The following LRMDA variants were observed in gnomAD, a reference collection of about 807,000 sequenced individuals.
The protein encoded by LRMDA is leucine rich melanocyte differentiation associated, also known as leucine-rich melanocyte differentiation-associated protein.
A neutral mutation model predicts 29.8 loss-of-function variants in LRMDA; 18 were observed. The ratio of observed to expected loss-of-function variants is 0.60; its 90% CI spans 0.42 to 0.90. LRMDA has a LOEUF of 0.90. Among genes scored for constraint, LRMDA ranks in the 40% least tolerant of loss-of-function variants. The probability of loss-of-function intolerance (pLI) is 0.00; values close to 1 mark genes in which losing one functional copy is unlikely to be tolerated. For missense variants in LRMDA, 273 were observed against 273.9 expected, an observed-to-expected ratio of 1.00 and a Z score of 0.02; for synonymous variants, 125 against 109.4, an observed-to-expected ratio of 1.14 and a Z score of -0.89.
chr10:75,511,229 C>T lies in LRMDA; in HGVS notation c.131+72735C>T, dbSNP rs190210020. Among the ~76,000 whole-genome samples the T allele has an allele frequency of 1.6e-3, 246 of 151,834 alleles. 2 individuals are homozygous for T. Among genetic ancestry groups the T allele is most frequent in the African/African-American group, 5.6e-3 (233 of 41,400 alleles). On this transcript the variant is annotated intron_variant, in intron 2 of 6. Coordinates refer to ENST00000611255, the MANE Select transcript of LRMDA (RefSeq NM_001305581.2). ...GTGCATCTGTAGTCCCACCTACTCG[C>T]GAGGCTGAGGTGGGAGGATTGCCTC...
intron 6 of LRMDA, among the ~76,000 whole-genome samples, chr10:76,326,410 C>T (rs1490445147): frequency 6.6e-6 from 1 of 152,164 alleles, no homozygotes; most frequent in African/African-American, 2.4e-5. Context: ...TGATCATGTA[C>T]ATCACGAAAA....
chr10:75,525,576 T>TTTTC (rs1195803004), intron 2 of LRMDA, among the ~76,000 whole-genome samples: 72 of 144,252 alleles, frequency 5.0e-4, no homozygotes, highest in South Asian at 1.3e-3. Context: ...TTTCTTTTCT[T>TTTTC]TTTCTTTCTT....
chr10:76,041,808 A>T (rs890377682), intron 3 of LRMDA, among the ~76,000 whole-genome samples: 2 of 152,178 alleles, frequency 1.3e-5, no homozygotes, highest in Admixed American at 1.3e-4. Context: ...CTGAAAAAAA[A>T]TCTCAACGCT....
At chr10:75,695,773 T>A (rs1219963974) in intron 2 of LRMDA, among the ~76,000 whole-genome samples, 1 of 152,204 alleles carries the variant, frequency 6.6e-6, no homozygotes, top group African/African-American at 2.4e-5. Context: ...TGATTTTTTT[T>A]CCTCTTAAGA....
At chr10:76,335,288 C>T (rs944351649) in intron 6 of LRMDA, among the ~76,000 whole-genome samples, 4 of 152,168 alleles carry the variant, frequency 2.6e-5, no homozygotes, top group Non-Finnish European at 2.9e-5. Flanking sequence ...GAGTGTAGTG[C>T]TCTCATATGT....
chr10:76,421,928 A>G (rs1488067752), intron 6 of LRMDA, among the ~76,000 whole-genome samples: 1 of 152,178 alleles, frequency 6.6e-6, no homozygotes, highest in Non-Finnish European at 1.5e-5. Flanking sequence ...TCCTTCAGAG[A>G]AGACATATTT....
intron 2 of LRMDA, among the ~76,000 whole-genome samples, chr10:75,676,546 C>T (rs1841962461): frequency 6.6e-6 from 1 of 152,158 alleles, no homozygotes; most frequent in Admixed American, 6.5e-5. Context: ...ACTATCACTT[C>T]CCATCTCAAA....
At chr10:75,796,632 G>A (rs1054598717) in intron 2 of LRMDA, among the ~76,000 whole-genome samples, 1 of 152,182 alleles carries the variant, frequency 6.6e-6, no homozygotes, top group African/African-American at 2.4e-5. Context: ...GAGTGCAGTG[G>A]TGTGAACTCG....
chr10:75,841,337 C>A (rs1844537563), intron 2 of LRMDA, among the ~76,000 whole-genome samples: 1 of 152,104 alleles, frequency 6.6e-6, no homozygotes, highest in African/African-American at 2.4e-5. Context: ...CTTAAATATA[C>A]CTGCAGTTAG....
At chr10:76,301,293 T>C (rs1840477234) in intron 5 of LRMDA, among the ~76,000 whole-genome samples, 1 of 152,214 alleles carries the variant, frequency 6.6e-6, no homozygotes, top group Non-Finnish European at 1.5e-5. Flanking sequence ...TGCTGTTATA[T>C]GAAACAGCTT....
intron 2 of LRMDA, among the ~76,000 whole-genome samples, chr10:75,791,185 T>C (rs1333957605): frequency 1.3e-5 from 2 of 152,184 alleles, no homozygotes; most frequent in Non-Finnish European, 2.9e-5. Flanking sequence ...CATACCGTCC[T>C]GTAGCCGCAT....
intron 2 of LRMDA, among the ~76,000 whole-genome samples, chr10:75,853,851 T>C (rs1449991277): frequency 6.6e-6 from 1 of 152,098 alleles, no homozygotes; most frequent in African/African-American, 2.4e-5. Flanking sequence ...CCAACTCTTA[T>C]TAGATTCCTA....
At chr10:75,678,140 A>T (rs1408291504) in intron 2 of LRMDA, among the ~76,000 whole-genome samples, 1 of 152,186 alleles carries the variant, frequency 6.6e-6, no homozygotes, top group Non-Finnish European at 1.5e-5. Context: ...CCACAGATAC[A>T]TGCACATACC....
intron 5 of LRMDA, among the ~76,000 whole-genome samples, chr10:76,173,084 C>T (rs540137905): frequency 3.0e-4 from 45 of 152,006 alleles, no homozygotes; most frequent in Non-Finnish European, 5.0e-4. Context: ...GAGCATCAGA[C>T]CCAAAGCAAA....
intron 5 of LRMDA, among the ~76,000 whole-genome samples, chr10:76,321,356 A>C (rs183100526): frequency 6.6e-6 from 1 of 152,286 alleles, no homozygotes; most frequent in Non-Finnish European, 1.5e-5. Context: ...CTATTGTGAG[A>C]CTTAAAAGTT....
At chr10:76,199,164 G>C (rs1276857843) in intron 5 of LRMDA, among the ~76,000 whole-genome samples, 1 of 152,128 alleles carries the variant, frequency 6.6e-6, no homozygotes, top group Non-Finnish European at 1.5e-5. Flanking sequence ...ATTAAATTTT[G>C]TTTTGGAACT....
chr10:75,621,661 C>A (rs955156113), intron 2 of LRMDA, among the ~76,000 whole-genome samples: 2 of 152,144 alleles, frequency 1.3e-5, no homozygotes, highest in African/African-American at 4.8e-5. Flanking sequence ...GGCCTATGAA[C>A]CACTGGTGTT....
intron 6 of LRMDA, among the ~76,000 whole-genome samples, chr10:76,520,087 A>G (rs1401191971): frequency 1.3e-5 from 2 of 152,096 alleles, no homozygotes; most frequent in East Asian, 3.9e-4. Context: ...GTTGTCTAAT[A>G]GTTACTTTTC....
chr10:75,739,724 T>C (rs1431027352), intron 2 of LRMDA, among the ~76,000 whole-genome samples: 1 of 152,238 alleles, frequency 6.6e-6, no homozygotes, highest in African/African-American at 2.4e-5. Context: ...TGAAGCAGCT[T>C]GTTGTCAATA....
Sources: gnomAD v4.1 joint callset for allele counts (sites outside exome capture counted in the v4.1 genomes callset) on GRCh38, gnomAD v4.1.1 for gene constraint, MANE v1.5 for transcripts, NCBI Gene and HGNC (gene_info 2026-07-23, HGNC 2026-07-21) for gene names.